MROH1: variants seen among roughly 807,000 people sequenced by gnomAD.
The protein encoded by MROH1 is maestro heat-like repeat-containing protein family member 1.
MROH1 carries 117 observed loss-of-function variants against 116.5 expected under a neutral mutation model. The ratio of observed to expected loss-of-function variants is 1.00; its 90% confidence interval spans 0.86 to 1.17. The LOEUF (loss-of-function observed/expected upper bound fraction) is 1.17. Ranked by LOEUF, MROH1 falls within the 50% of genes most tolerant of loss-of-function variation. The probability of loss-of-function intolerance (pLI) is 0.00; values close to 1 mark genes in which losing one functional copy is unlikely to be tolerated. For missense variants in MROH1, 1,873 were observed against 1,338.5 expected (o/e 1.40, Z -6.23); for synonymous variants, 921 against 583.9 (o/e 1.58, Z -8.32).
At chr8:144,210,617 T>C (rs1412289597) in intron 12 of MROH1, among the ~76,000 whole-genome samples, 1 of 151,870 alleles carries the variant, frequency 6.6e-6, no homozygotes, top group Non-Finnish European at 1.5e-5. Flanking sequence ...TGAGCCCAGG[T>C]GGCAGAGGTT....
chr8:144,201,842 G>A (rs1008758353), intron 12 of MROH1, among the ~76,000 whole-genome samples: 11 of 151,914 alleles, frequency 7.2e-5, no homozygotes, highest in Non-Finnish European at 1.3e-4. Flanking sequence ...GTGAAACCCC[G>A]TCTCTACTAA....
intron 7 of MROH1, among the ~76,000 whole-genome samples, chr8:144,186,684 C>CGG (rs541599254): frequency 6.6e-6 from 1 of 152,184 alleles, no homozygotes; most frequent in East Asian, 1.9e-4. Flanking sequence ...TCTGTCCTGA[C>CGG]GGGGGGGTCA....
At position 144,191,668 on chromosome 8, in the gene MROH1, G is replaced by A. The variant is rs771984542; in HGVS notation, c.715-47G>A. On this transcript the variant is annotated intron_variant, in intron 8 of 43. Coordinates refer to ENST00000326134, the MANE Select transcript of MROH1 (RefSeq NM_032450.3). ...CTTGCTGGACATGCTCTGAGCAGTC[G>A]GTGTTGACTGAGCAGCGTAAGCTTC... 12 of 1,603,090 alleles carry A rather than the reference G, an allele frequency of 7.5e-6. No individual in the cohort carries two copies. The South Asian group carries it at 7.8e-5, about 10-fold the overall frequency.
rs1844920095 is a variant in MROH1 at position 144,260,919 on chromosome 8, G to A, written c.4549G>A (p.Ala1517Thr). Residue 1517 changes from alanine to threonine, a missense_variant, in exon 41 of 44, where the codon GCC (alanine) becomes ACC (threonine). Ala to Thr is a moderately conservative substitution (Grantham distance 58, BLOSUM62 0). Transcript: ENST00000326134. ...QATVASACRF[A>T]LRMCGPNLAC... ...CCGCATCCCTTAGGCCTGCAGGTTTGCCCTGCGCATGTGTGGCCCCAATCT... is the reference window on the plus strand; with the variant it reads ...CCGCATCCCTTAGGCCTGCAGGTTTACCCTGCGCATGTGTGGCCCCAATCT... The A allele has an allele frequency of 1.3e-6, 1 of 777,440 alleles. No homozygotes were observed. Among genetic ancestry groups the A allele is most frequent in the African/African-American group, 1.7e-5 (1 of 59,094 alleles). 48.2% of individuals were successfully genotyped at this position (777,440 alleles called of 1,614,324 possible). A position where few individuals can be genotyped will look rare whatever the true frequency, so the allele number is the denominator to read the frequency against.
intron 12 of MROH1, among the ~76,000 whole-genome samples, chr8:144,220,233 G>T (rs1325447062): frequency 6.6e-6 from 1 of 152,184 alleles, no homozygotes; most frequent in East Asian, 1.9e-4. Context: ...TCAGCGCCTG[G>T]AGGGGGAGCA....
chr8:144,255,577 C>A lies in MROH1; in HGVS notation c.3663C>A (p.Pro1221=). The A allele has an allele frequency of 1.3e-6, 1 of 779,386 alleles. No homozygotes were observed. The highest frequency in any genetic ancestry group is 2.4e-6 in the Non-Finnish European group (1 of 417,788). 48.3% of individuals were successfully genotyped at this position (779,386 alleles called of 1,614,324 possible). ...GGCCCGCGGTGCTCGAGCTCTACCCCCAGCTGTTTGTGGTGCTTCTGCTGC... is the reference window on the plus strand; with the variant it reads ...GGCCCGCGGTGCTCGAGCTCTACCCACAGCTGTTTGTGGTGCTTCTGCTGC... ...AAGPAVLELY[P]QLFVVLLLRV... is the part of the protein sequence containing the mutation. The change falls in exon 35 of 44, where the codon CCC becomes CCA. Residue 1221 remains proline (P), a synonymous_variant. Transcript: ENST00000326134.
At position 144,180,543 on chromosome 8, in the gene MROH1, CCTT is replaced by C. The variant is rs950581721; in HGVS notation, c.562+23_562+25del. The C allele has an allele frequency of 9.4e-6, 15 of 1,603,228 alleles. No individual in the cohort carries two copies. The highest frequency in any genetic ancestry group is 4.0e-5 in the African/African-American group (3 of 74,860). ...GCTCCGGTAAGAGGCGGCCTCGTCA[CCTT>C]CTGTCTCAAGTGCCCCTTTGTGGGG... On this transcript the variant is annotated intron_variant, in intron 7 of 43. Coordinates refer to ENST00000326134, the MANE Select transcript of MROH1 (RefSeq NM_032450.3). This position sits in a 1 kb window ranked among gnomAD's most constrained non-coding sequence, Gnocchi z 7.4.
intron 37 of MROH1, 28 bp from the exon 38 acceptor site, chr8:144,259,883 A>G (rs1204607949): frequency 2.8e-6 from 2 of 725,776 alleles, no homozygotes; most frequent in African/African-American, 3.5e-5. Flanking sequence ...CAGCGGGGAG[A>G]GGGAAGTCAC....
At chr8:144,151,311 T>G (rs1816733261) in intron 1 of MROH1, among the ~76,000 whole-genome samples, 1 of 144,068 alleles carries the variant, frequency 6.9e-6, no homozygotes, top group Non-Finnish European at 1.5e-5. Flanking sequence ...CACAGGCAGC[T>G]GGACATAGAG....
chr8:144,167,041 C>T (rs539871830), intron 3 of MROH1, among the ~76,000 whole-genome samples: 4 of 152,344 alleles, frequency 2.6e-5, no homozygotes, highest in East Asian at 3.9e-4. Flanking sequence ...GACTGAGTCA[C>T]GCACTGATGC....
chr8:144,153,360 C>T (rs1035254390), intron 1 of MROH1, among the ~76,000 whole-genome samples: 6 of 151,988 alleles, frequency 3.9e-5, no homozygotes, highest in African/African-American at 1.5e-4. Context: ...CCACGCCCAG[C>T]TAATTTTTGT....
In MROH1 at chr8:144,191,811, C is replaced by T; in HGVS notation, c.811C>T (p.Leu271Phe). 1 of 1,613,502 alleles carries T rather than the reference C, an allele frequency of 6.2e-7. No homozygotes were observed. Among genetic ancestry groups the T allele is most frequent in the Non-Finnish European group, 8.5e-7 (1 of 1,179,842 alleles). ...GCTGCCCAAGCTCCTCCCTGGGATTCTCGCCCTCTACAAGAAGCACGCAGA... is the reference window on the plus strand; with the variant it reads ...GCTGCCCAAGCTCCTCCCTGGGATTTTCGCCCTCTACAAGAAGCACGCAGA... Reference protein sequence around the residue: ...EQLPKLLPGILALYKKHAETF... With the variant: ...EQLPKLLPGIFALYKKHAETF... Residue 271 changes from leucine (L) to phenylalanine (F), a missense_variant, in exon 9 of 44, where the codon CTC becomes TTC. Transcript: ENST00000326134.
chr8:144,197,169 G>A (rs1830097433), intron 10 of MROH1, among the ~76,000 whole-genome samples: 1 of 152,122 alleles, frequency 6.6e-6, no homozygotes, highest in African/African-American at 2.4e-5. Context: ...TCAGGGGGTC[G>A]CTCCAACTCA....
At position 144,191,667 on chromosome 8, in the gene MROH1, C is replaced by T. The variant is rs780155324; in HGVS notation, c.715-48C>T. ...GCTTGCTGGACATGCTCTGAGCAGT[C>T]GGTGTTGACTGAGCAGCGTAAGCTT... On this transcript the variant is annotated intron_variant, in intron 8 of 43. Coordinates refer to ENST00000326134, the MANE Select transcript of MROH1 (RefSeq NM_032450.3). 2.4e-5 allele frequency: 39 copies of T among 1,601,886 alleles called. No individual in the cohort carries two copies. The Admixed American group carries it at 4.8e-4, about 20-fold the overall frequency.
At chr8:144,214,658 C>T (rs1834875589) in intron 12 of MROH1, among the ~76,000 whole-genome samples, 1 of 152,114 alleles carries the variant, frequency 6.6e-6, no homozygotes. Context: ...CGTGTGGGGC[C>T]GCGGCCACCC....
intron 4 of MROH1, among the ~76,000 whole-genome samples, chr8:144,178,239 C>T (rs1269959166): frequency 6.6e-6 from 1 of 152,048 alleles, no homozygotes; most frequent in Non-Finnish European, 1.5e-5. Flanking sequence ...TCAAGCGATT[C>T]TTCTGCCTCA....
chr8:144,226,455 G>A (rs371527814), intron 14 of MROH1, among the ~76,000 whole-genome samples: 4 of 148,348 alleles, frequency 2.7e-5, no homozygotes, highest in Non-Finnish European at 5.9e-5. Context: ...ATGGCTTTAC[G>A]TTGTTCTTTT....
intron 14 of MROH1, among the ~76,000 whole-genome samples, chr8:144,238,201 TGAAA>T (rs1227203489): frequency 4.6e-5 from 7 of 151,816 alleles, no homozygotes; most frequent in Admixed American, 3.9e-4. Flanking sequence ...TTTCAGCTTC[TGAAA>T]GAGAGGGATT....
intron 31 of MROH1, among the ~76,000 whole-genome samples, chr8:144,248,405 C>T (rs1254326401): frequency 6.6e-6 from 1 of 152,182 alleles, no homozygotes; most frequent in Non-Finnish European, 1.5e-5. Flanking sequence ...CCATTTGGTG[C>T]TTAGGAATGG....
Sources: gnomAD v4.1 joint callset for allele counts (sites outside exome capture counted in the v4.1 genomes callset) on GRCh38, gnomAD v4.1.1 for gene constraint, Gnocchi (gnomAD v3.1) non-coding constraint, MANE v1.5 for transcripts, NCBI Gene and HGNC (gene_info 2026-07-23, HGNC 2026-07-21) for gene names.